CCDC63: variants seen among roughly 807,000 people sequenced by gnomAD.
CCDC63 encodes the protein coiled-coil domain containing 63.
A neutral mutation model predicts 63.6 loss-of-function variants in CCDC63; 54 were observed. The ratio of observed to expected loss-of-function variants is 0.85; its 90% CI spans 0.68 to 1.07. The LOEUF is 1.07. Ranked by LOEUF, CCDC63 falls within the 50% of genes least tolerant of loss-of-function variation. The pLI, the probability that CCDC63 is intolerant of heterozygous loss-of-function variation, is 0.00. For missense variants in CCDC63, 637 were observed against 689.6 expected (o/e 0.92, Z 0.86); for synonymous variants, 253 against 266.1 (o/e 0.95, Z 0.48).
intron 4 of CCDC63, among the ~76,000 whole-genome samples, chr12:110,862,229 CA>C (rs1339918486): frequency 2.0e-5 from 3 of 152,190 alleles, no homozygotes; most frequent in African/African-American, 7.2e-5. Flanking sequence ...GTGGGGTCCT[CA>C]GAAGTTTCTG....
At chr12:110,871,523 C>T (rs2071066923) in intron 4 of CCDC63, among the ~76,000 whole-genome samples, 1 of 151,332 alleles carries the variant, frequency 6.6e-6, no homozygotes, top group African/African-American at 2.4e-5. Flanking sequence ...TTCCTTCTCT[C>T]TATCTTTCCT....
At chr12:110,874,367 A>T (rs1237323621) in intron 5 of CCDC63, among the ~76,000 whole-genome samples, 1 of 152,218 alleles carries the variant, frequency 6.6e-6, no homozygotes, top group Non-Finnish European at 1.5e-5. Context: ...ATGAGTAGGC[A>T]TAGATATGCA....
Position 110,873,854 on chromosome 12 carries a change from G to GA in CCDC63, c.391dup (p.Ile131AsnfsTer16), listed in dbSNP as rs770908716. On this transcript the variant is annotated frameshift_variant, in exon 5 of 12. Coordinates refer to ENST00000308208, the MANE Select transcript of CCDC63 (RefSeq NM_152591.3). LOFTEE classifies it high-confidence loss of function. ...CTCTCTTTTTCAGATTCTTCAGATG[G>GA]AAAAAAAAATCGCAAACCAAAAACA... is the stretch of plus-strand genomic sequence containing the variant. The GA allele has an allele frequency of 1.3e-4, 212 of 1,595,920 alleles. No homozygotes were observed. Among genetic ancestry groups the GA allele is most frequent in the East Asian group, 3.6e-4 (16 of 44,278 alleles).
chr12:110,880,237 C>G (rs547520075), intron 6 of CCDC63, 150 bp downstream of exon 6: 8 of 689,516 alleles, frequency 1.2e-5, no homozygotes, highest in Non-Finnish European at 2.0e-5. Context: ...TGACTGTGTG[C>G]CAGGCATGAT....
chr12:110,884,302 C>T, intron 8 of CCDC63, 52 bp downstream of exon 8: 1 of 1,456,668 alleles, frequency 6.9e-7, no homozygotes, highest in Non-Finnish European at 9.6e-7. Context: ...CCACAGCAGC[C>T]TTTCCAGGGC....
At chr12:110,845,959 C>CAAAAAA (rs34690976), upstream of CCDC63, 33 of 95,998 alleles carry the variant, frequency 3.4e-4, no homozygotes, top group Middle Eastern at 5.4e-3. Flanking sequence ...AGTAGAAATA[C>CAAAAAA]AAAAAAAAAA....
chr12:110,873,831 C>G lies in CCDC63; in HGVS notation c.370-11C>G. On this transcript the variant is annotated splice_polypyrimidine_tract_variant and intron_variant, in intron 4 of 11. Transcript: ENST00000308208. ...ACACAGCTGGAATTTCTCTCTCTCT[C>G]TCTTTTTCAGATTCTTCAGATGGAA... 1.2e-6 allele frequency: 2 copies of G among 1,612,104 alleles called. No homozygotes were observed. The highest frequency in any genetic ancestry group is 1.7e-6 in the Non-Finnish European group (2 of 1,179,552).
chr12:110,873,550 G>A lies in CCDC63; in HGVS notation c.370-292G>A, dbSNP rs115713114. 7.8e-3 allele frequency among the ~76,000 whole-genome samples: 1,188 copies of A among 152,312 alleles called. 19 individuals are homozygous for A. Among genetic ancestry groups the A allele is most frequent in the African/African-American group, 0.027 (1,137 of 41,572 alleles). The stretch of plus-strand genomic sequence containing the variant: ...ATGTCATTGTGTATAAATGTCACAG[G>A]TGAGTGACATTTACATGCACAGGTG... On this transcript the variant is annotated intron_variant, in intron 4 of 11. Coordinates refer to ENST00000308208, the MANE Select transcript of CCDC63 (RefSeq NM_152591.3).
intron 5 of CCDC63, among the ~76,000 whole-genome samples, chr12:110,877,834 T>C (rs909015860): frequency 1.3e-5 from 2 of 151,606 alleles, no homozygotes; most frequent in Admixed American, 6.6e-5. Flanking sequence ...GCCTACCAAG[T>C]AGCTGGGGAT....
chr12:110,883,836 C>T (rs7306787), intron 7 of CCDC63, among the ~76,000 whole-genome samples, 194 bp from the exon 8 acceptor site: 31,792 of 152,000 alleles, frequency 0.21, 3,532 homozygotes, highest in African/African-American at 0.25. Context: ...GACGGGGTTT[C>T]GCCATGTTGG....
chr12:110,858,729 C>G lies in CCDC63; in HGVS notation c.323C>G (p.Ala108Gly), dbSNP rs999713610. Residue 108 changes from alanine to glycine, a missense_variant, in exon 4 of 12, where the codon GCA becomes GGA. Coordinates refer to ENST00000308208, the MANE Select transcript of CCDC63 (RefSeq NM_152591.3). ...LLLQTKEDYE[A>G]LIKSLKVLLA... ...CTCCAAACTAAGGAGGACTATGAGGCATTGATTAAATCCCTGAAAGTGCTG... is the reference window on the plus strand; with the variant it reads ...CTCCAAACTAAGGAGGACTATGAGGGATTGATTAAATCCCTGAAAGTGCTG... 1.2e-6 allele frequency: 2 copies of G among 1,614,044 alleles called. No homozygotes were observed. The highest frequency in any genetic ancestry group is 3.3e-5 in the Admixed American group (2 of 60,002).
chr12:110,858,474 T>A, intron 3 of CCDC63, 112 bp from the exon 4 acceptor site: 1 of 894,180 alleles, frequency 1.1e-6, no homozygotes, highest in Non-Finnish European at 1.7e-6. Context: ...GCCTGCTTGC[T>A]CAGGTGGGAA....
At chr12:110,884,852 AT>A (rs34391026) in intron 8 of CCDC63, among the ~76,000 whole-genome samples, 31,746 of 130,542 alleles carry the variant, frequency 0.24, 4,123 homozygotes, top group African/African-American at 0.41. Flanking sequence ...ACGCCCTGCT[AT>A]TTTTTTTTTT....
chr12:110,851,574 C>T (rs182459786), intron 1 of CCDC63, among the ~76,000 whole-genome samples: 8 of 152,236 alleles, frequency 5.3e-5, no homozygotes, highest in South Asian at 2.1e-4. Context: ...CATCCAGAGT[C>T]GGATGCCCCA....
At chr12:110,874,809 T>A (rs2071110207) in intron 5 of CCDC63, among the ~76,000 whole-genome samples, 1 of 152,034 alleles carries the variant, frequency 6.6e-6, no homozygotes, top group African/African-American at 2.4e-5. Flanking sequence ...GCCCCTCTCC[T>A]CCAAACCCAC....
intron 1 of CCDC63, among the ~76,000 whole-genome samples, chr12:110,850,830 T>C (rs2136637651): frequency 6.6e-6 from 1 of 152,354 alleles, no homozygotes; most frequent in East Asian, 1.9e-4. Flanking sequence ...AGATACTGCC[T>C]ATACTTGAGC....
intron 3 of CCDC63, among the ~76,000 whole-genome samples, chr12:110,856,500 A>G (rs2070772668): frequency 6.6e-6 from 1 of 152,170 alleles, no homozygotes; most frequent in Non-Finnish European, 1.5e-5. Context: ...AGGGCAGAAG[A>G]GTCCCCAGGC....
At chr12:110,847,536 CAGAG>C (rs755217259) in intron 1 of CCDC63, among the ~76,000 whole-genome samples, 1 of 145,944 alleles carries the variant, frequency 6.9e-6, no homozygotes, top group Non-Finnish European at 1.5e-5. Flanking sequence ...GCCTGGGTGA[CAGAG>C]AGAGAGAGAG....
chr12:110,861,595 G>A (rs1049765026), intron 4 of CCDC63, among the ~76,000 whole-genome samples: 2 of 151,362 alleles, frequency 1.3e-5, no homozygotes, highest in Non-Finnish European at 2.9e-5. Context: ...TTTTTGAAAC[G>A]GAGTCCCACT....
Sources: allele counts gnomAD v4.1 joint callset (sites outside exome capture counted in the v4.1 genomes callset), GRCh38; gene constraint gnomAD v4.1.1; transcripts MANE v1.5; gene names NCBI Gene and HGNC (gene_info 2026-07-23, HGNC 2026-07-21).